Variants in GHR observed in about 807,000 individuals in gnomAD.
GHR encodes the protein GH receptor.
Under a neutral mutation model 67.1 loss-of-function variants are expected in GHR, and 35 were observed. That is an observed-to-expected ratio of 0.52 (90% CI 0.40 to 0.69). GHR has a LOEUF of 0.69. Among genes scored for constraint, GHR ranks in the 30% least tolerant of loss-of-function variants. The probability of loss-of-function intolerance (pLI) is 0.00; values close to 1 mark genes in which losing one functional copy is unlikely to be tolerated. For missense variants in GHR, 792 were observed against 764.6 expected (o/e 1.04, Z -0.42); for synonymous variants, 272 against 269.1 (o/e 1.01, Z -0.10).
intron 3 of GHR, among the ~76,000 whole-genome samples, chr5:42,650,603 G>A (rs59152654): frequency 0.082 from 7,282 of 89,218 alleles, 467 homozygotes; most frequent in African/African-American, 0.17. Context: ...ATATATATAT[G>A]TATGTCTATG....
chr5:42,438,042 A>G (rs974738821), intron 1 of GHR, among the ~76,000 whole-genome samples: 1 of 152,214 alleles, frequency 6.6e-6, no homozygotes, highest in Non-Finnish European at 1.5e-5. Flanking sequence ...CTGCTAGATT[A>G]TAAACTCTTA....
chr5:42,594,799 C>T (rs1751981194), intron 2 of GHR, among the ~76,000 whole-genome samples: 1 of 152,084 alleles, frequency 6.6e-6, no homozygotes, highest in African/African-American at 2.4e-5. Flanking sequence ...GTTATTGATA[C>T]TTACTGTCTT....
chr5:42,614,752 G>A (rs948924180), intron 2 of GHR, among the ~76,000 whole-genome samples: 2 of 151,742 alleles, frequency 1.3e-5, no homozygotes, highest in Admixed American at 1.3e-4. Flanking sequence ...ATTTATTGAT[G>A]TACTAATTTG....
intron 1 of GHR, among the ~76,000 whole-genome samples, chr5:42,544,836 G>C (rs1435144850): frequency 6.6e-6 from 1 of 152,124 alleles, no homozygotes; most frequent in Admixed American, 6.6e-5. Flanking sequence ...TTATGACTCA[G>C]TTTGAAAAGC....
chr5:42,429,358 T>C (rs1475825639), intron 1 of GHR, among the ~76,000 whole-genome samples: 2 of 152,200 alleles, frequency 1.3e-5, no homozygotes, highest in Admixed American at 6.5e-5. Context: ...ATGGGGATTA[T>C]GGTAGCTACA....
chr5:42,619,117 AT>A (rs1207787811), intron 2 of GHR, among the ~76,000 whole-genome samples: 1 of 152,110 alleles, frequency 6.6e-6, no homozygotes, highest in African/African-American at 2.4e-5. Flanking sequence ...AACTATGACA[AT>A]AAAGGATTGC....
intron 2 of GHR, among the ~76,000 whole-genome samples, chr5:42,617,590 G>A (rs4866791): frequency 0.7 from 106,412 of 151,986 alleles, 39,157 homozygotes; most frequent in South Asian, 0.86. Context: ...ACCTGCTGGC[G>A]TCAGCACAAT....
chr5:42,719,971 T>A lies in GHR; in HGVS notation c.*547T>A. The A allele has an allele frequency of 5.3e-6, 1 of 188,048 alleles. No individual in the cohort carries two copies. Among genetic ancestry groups the A allele is most frequent in the Non-Finnish European group, 1.1e-5 (1 of 91,486 alleles). 11.6% of individuals were successfully genotyped at this position (188,048 alleles called of 1,614,324 possible). A position where few individuals can be genotyped will look rare whatever the true frequency, so the allele number is the denominator to read the frequency against. On this transcript the variant is annotated 3_prime_UTR_variant, in exon 10 of 10. Coordinates refer to ENST00000230882, the MANE Select transcript of GHR (RefSeq NM_000163.5). ...TGACATAAAGTTGATAAAGATTTTT[T>A]AATAATTTAGACTTCAAGCATGGCT...
At chr5:42,539,354 T>A (rs1187205260) in intron 1 of GHR, among the ~76,000 whole-genome samples, 1 of 152,182 alleles carries the variant, frequency 6.6e-6, no homozygotes, top group African/African-American at 2.4e-5. Context: ...GTTGTTCAGA[T>A]TCTTTTGTCC....
intron 1 of GHR, among the ~76,000 whole-genome samples, chr5:42,558,025 T>C (rs909253682): frequency 6.6e-6 from 1 of 152,182 alleles, no homozygotes; most frequent in African/African-American, 2.4e-5. Flanking sequence ...AGAGAGGTAT[T>C]TACATCACAG....
intron 3 of GHR, among the ~76,000 whole-genome samples, chr5:42,650,579 A>AT (rs1491554480): frequency 2.4e-4 from 2 of 8,454 alleles, no homozygotes; most frequent in African/African-American, 5.6e-4. Context: ...TACAGATAAC[A>AT]TATATATATA....
chr5:42,689,030 C>A lies in GHR; in HGVS notation c.266+11C>A. The stretch of plus-strand genomic sequence containing the variant: ...GTTCTATACCAGAAGGTGCCACCAT[C>A]ATGCCTTTCTGATTTTCCTCTCCAT... On this transcript the variant is annotated intron_variant, in intron 4 of 9. Coordinates refer to ENST00000230882, the MANE Select transcript of GHR (RefSeq NM_000163.5). The A allele has an allele frequency of 6.2e-7, 1 of 1,612,552 alleles. No homozygotes were observed. Among genetic ancestry groups the A allele is most frequent in the South Asian group, 1.1e-5 (1 of 91,056 alleles).
chr5:42,716,168 T>TAAAA (rs1758710781), intron 8 of GHR, among the ~76,000 whole-genome samples: 1 of 147,278 alleles, frequency 6.8e-6, no homozygotes, highest in Non-Finnish European at 1.5e-5. Context: ...AGATGCAGAA[T>TAAAA]CAAAAAAAAA....
chr5:42,450,152 C>G (rs1743984873), intron 1 of GHR, among the ~76,000 whole-genome samples: 1 of 152,138 alleles, frequency 6.6e-6, no homozygotes, highest in African/African-American at 2.4e-5. Context: ...GTGATACTGG[C>G]TTCATAGAAT....
At chr5:42,500,642 T>A (rs907978457) in intron 1 of GHR, among the ~76,000 whole-genome samples, 1 of 152,224 alleles carries the variant, frequency 6.6e-6, no homozygotes, top group Non-Finnish European at 1.5e-5. Context: ...CCTTCATGAT[T>A]ATTTTCTGCT....
intron 2 of GHR, among the ~76,000 whole-genome samples, chr5:42,614,782 C>T (rs1161162298): frequency 1.3e-5 from 2 of 151,848 alleles, no homozygotes; most frequent in Non-Finnish European, 2.9e-5. Context: ...CCTGCCAAAT[C>T]TTTTTACTCT....
chr5:42,449,513 T>TTATCAGA (rs1174227225), intron 1 of GHR, among the ~76,000 whole-genome samples: 1 of 152,218 alleles, frequency 6.6e-6, no homozygotes, highest in Non-Finnish European at 1.5e-5. Context: ...CTGAATTCAT[T>TTATCAGA]TATCAGATCT....
At chr5:42,435,944 C>A (rs965885541) in intron 1 of GHR, among the ~76,000 whole-genome samples, 2 of 152,172 alleles carry the variant, frequency 1.3e-5, no homozygotes, top group African/African-American at 4.8e-5. Flanking sequence ...ATCACAGCAA[C>A]AAGAACAAAG....
At chr5:42,586,489 A>G (rs550816605) in intron 2 of GHR, among the ~76,000 whole-genome samples, 1 of 152,358 alleles carries the variant, frequency 6.6e-6, no homozygotes, top group Non-Finnish European at 1.5e-5. Flanking sequence ...TGGCTCGATG[A>G]TAAGATAGGA....
Sources: gnomAD v4.1 joint callset for allele counts (sites outside exome capture counted in the v4.1 genomes callset) on GRCh38, gnomAD v4.1.1 for gene constraint, MANE v1.5 for transcripts, NCBI Gene and HGNC (gene_info 2026-07-23, HGNC 2026-07-21) for gene names.